SULF1: variants seen among roughly 807,000 people sequenced by gnomAD.
SULF1 encodes the protein extracellular sulfatase Sulf-1.
Under a neutral mutation model 110.5 loss-of-function variants are expected in SULF1, and 46 were observed. That is an observed-to-expected ratio of 0.42 (90% confidence interval 0.33 to 0.53). The LOEUF is 0.53. Ranked by LOEUF, SULF1 falls within the 20% of genes least tolerant of loss-of-function variation. The pLI is 0.12. For synonymous variants in SULF1, 371 were observed against 387.1 expected (o/e 0.96, Z 0.49); for missense variants, 941 against 1,094.2 (o/e 0.86, Z 1.98).
intron 5 of SULF1, among the ~76,000 whole-genome samples, chr8:69,571,204 T>C (rs769044938): frequency 1.3e-5 from 2 of 152,186 alleles, no homozygotes; most frequent in Non-Finnish European, 2.9e-5. Flanking sequence ...GAGAAGAAGA[T>C]GGAAGAGGCA....
intron 3 of SULF1, among the ~76,000 whole-genome samples, chr8:69,538,070 C>G (rs1231436865): frequency 6.6e-6 from 1 of 151,902 alleles, no homozygotes; most frequent in Non-Finnish European, 1.5e-5. Flanking sequence ...CACGCCATTC[C>G]CCTGCCTCAG....
intron 2 of SULF1, among the ~76,000 whole-genome samples, chr8:69,500,847 T>G (rs553354812): frequency 6.6e-6 from 1 of 151,294 alleles, no homozygotes; most frequent in Admixed American, 6.6e-5. Context: ...GTGATGAGAG[T>G]CGTGTGGGAG....
chr8:69,497,089 A>G (rs1298142352), intron 2 of SULF1, among the ~76,000 whole-genome samples: 1 of 152,062 alleles, frequency 6.6e-6, no homozygotes, highest in Non-Finnish European at 1.5e-5. Context: ...ACCCTTTAGG[A>G]AAAGCAGTTT....
At chr8:69,587,866 T>C (rs1370839187) in intron 7 of SULF1, among the ~76,000 whole-genome samples, 1 of 152,236 alleles carries the variant, frequency 6.6e-6, no homozygotes, top group African/African-American at 2.4e-5. Context: ...CAAAGACAAC[T>C]GTGTCTGAAA....
At chr8:69,514,728 A>T (rs561666957) in intron 3 of SULF1, among the ~76,000 whole-genome samples, 4 of 152,200 alleles carry the variant, frequency 2.6e-5, no homozygotes, top group Non-Finnish European at 5.9e-5. Flanking sequence ...GTTACTTCCA[A>T]GATACAGCCA....
At chr8:69,570,822 G>A (rs1169134434) in intron 5 of SULF1, among the ~76,000 whole-genome samples, 2 of 152,214 alleles carry the variant, frequency 1.3e-5, no homozygotes, top group South Asian at 2.1e-4. Flanking sequence ...GCATCCGCCT[G>A]CAGGAGCAAT....
rs1813954578 is a variant in SULF1, at chr8:69,542,846, G to A, written c.-133-20693G>A. On this transcript the variant is annotated intron_variant, in intron 3 of 22. Transcript: ENST00000402687. ...GTGGTGAAATTAACAGGGAAGAGAG[G>A]ATAATGTCTCCAGGTCTATATATTA... is the stretch of plus-strand genomic sequence containing the variant. Among the ~76,000 whole-genome samples the A allele has an allele frequency of 2.0e-5, 3 of 152,202 alleles. No individual in the cohort carries two copies. In the South Asian group the frequency reaches 6.2e-4, roughly 32 times the overall value.
chr8:69,654,856 T>C (rs1165363822), intron 22 of SULF1, among the ~76,000 whole-genome samples: 1 of 152,234 alleles, frequency 6.6e-6, no homozygotes, highest in Non-Finnish European at 1.5e-5. Flanking sequence ...CTTATGGAAC[T>C]GTTACTCTAA....
At chr8:69,482,617 A>C (rs1809556448) in intron 1 of SULF1, among the ~76,000 whole-genome samples, 1 of 152,112 alleles carries the variant, frequency 6.6e-6, no homozygotes, top group Non-Finnish European at 1.5e-5. Flanking sequence ...GAGGGAATGA[A>C]ATTGATAAGG....
At chr8:69,520,112 TACACAC>T (rs34036903) in intron 3 of SULF1, among the ~76,000 whole-genome samples, 7,757 of 137,048 alleles carry the variant, frequency 0.057, 260 homozygotes, top group African/African-American at 0.1. Context: ...AAATTCCAGT[TACACAC>T]ACACACACAC....
At chr8:69,548,870 A>T (rs1325354780) in intron 3 of SULF1, among the ~76,000 whole-genome samples, 2 of 152,174 alleles carry the variant, frequency 1.3e-5, no homozygotes, top group African/African-American at 4.8e-5. Context: ...TTAATGTTTG[A>T]AAGTGCATAT....
At chr8:69,620,521 G>T (rs1444490657) in intron 13 of SULF1, among the ~76,000 whole-genome samples, 8 of 152,222 alleles carry the variant, frequency 5.3e-5, no homozygotes, top group Admixed American at 4.6e-4. Context: ...GCTAATGTCT[G>T]GGGTATATGA....
intron 6 of SULF1, among the ~76,000 whole-genome samples, chr8:69,581,060 G>C (rs1806029296): frequency 6.6e-6 from 1 of 152,152 alleles, no homozygotes; most frequent in Admixed American, 6.5e-5. Flanking sequence ...ACCACAGTGT[G>C]CTTGGAACAC....
intron 1 of SULF1, among the ~76,000 whole-genome samples, chr8:69,470,956 T>C (rs1586184164): frequency 6.6e-6 from 1 of 152,210 alleles, no homozygotes; most frequent in African/African-American, 2.4e-5. Context: ...TTTGTCATCA[T>C]GTGCACGGTT....
rs143022019 is a variant in SULF1 at position 69,577,208 on chromosome 8, C to T, written c.412+999C>T. Reference sequence around the variant, plus strand: ...TATGCGTAGGAAAGAAACTAGGTTACGTAGAGGTTACAGAGAGTGCCTTAT... The same window carrying T: ...TATGCGTAGGAAAGAAACTAGGTTATGTAGAGGTTACAGAGAGTGCCTTAT... On this transcript the variant is annotated intron_variant, in intron 6 of 22. Coordinates refer to ENST00000402687, the MANE Select transcript of SULF1 (RefSeq NM_001128205.2). Among the ~76,000 whole-genome samples the T allele has an allele frequency of 8.1e-4, 124 of 152,308 alleles. 3 individuals carry two copies. The East Asian group carries it at 0.022, about 27-fold the overall frequency.
chr8:69,568,345 T>A (rs1251635535), intron 5 of SULF1, among the ~76,000 whole-genome samples: 2 of 152,196 alleles, frequency 1.3e-5, no homozygotes, highest in African/African-American at 4.8e-5. Context: ...TCAAAGTTTA[T>A]AAAATCGAGC....
At chr8:69,591,019 C>G (rs997081285) in intron 8 of SULF1, among the ~76,000 whole-genome samples, 1 of 152,176 alleles carries the variant, frequency 6.6e-6, no homozygotes, top group African/African-American at 2.4e-5. Flanking sequence ...AAGGTGACTT[C>G]CTATAACTGT....
At chr8:69,483,049 G>A (rs1464937314) in intron 1 of SULF1, among the ~76,000 whole-genome samples, 3 of 152,286 alleles carry the variant, frequency 2.0e-5, no homozygotes, top group Admixed American at 1.3e-4. Context: ...GTAATCTAGA[G>A]AGGATTCAAA....
intron 3 of SULF1, among the ~76,000 whole-genome samples, chr8:69,513,360 G>A (rs1811706867): frequency 6.6e-6 from 1 of 152,194 alleles, no homozygotes. Context: ...CTCTGGGCTG[G>A]CATCTGTCTT....
Sources: allele counts gnomAD v4.1 joint callset (sites outside exome capture counted in the v4.1 genomes callset), GRCh38; gene constraint gnomAD v4.1.1; transcripts MANE v1.5; gene names NCBI Gene and HGNC (gene_info 2026-07-23, HGNC 2026-07-21).